The following CELF2 variants were observed in gnomAD, a reference collection of about 807,000 sequenced individuals.
The protein encoded by CELF2 is CUG triplet repeat RNA-binding protein 2.
A neutral mutation model predicts 62.6 loss-of-function variants in CELF2; 8 were observed. The observed-to-expected ratio is 0.13, with a 90% CI of 0.07 to 0.23. The LOEUF is 0.23. CELF2 is among the 10% of genes least tolerant of loss of function. The probability of loss-of-function intolerance (pLI) is 1.00; values close to 1 mark genes in which losing one functional copy is unlikely to be tolerated. For synonymous variants in CELF2, 258 were observed against 250.0 expected, an observed-to-expected ratio of 1.03 and a Z score of -0.30; for missense variants, 333 against 671.0, an observed-to-expected ratio of 0.50 and a Z score of 5.56.
rs1565877278 is a variant in CELF2, at chr10:11,302,888, CCT to C, written c.977-11246_977-11245del. On this transcript the variant is annotated intron_variant, in intron 9 of 12. Coordinates refer to ENST00000633077, the MANE Select transcript of CELF2 (RefSeq NM_001326342.2). This position sits in a 1 kb window ranked among gnomAD's most constrained non-coding sequence, Gnocchi z 5.0. ...CATTAGAATCCTGCCTTCCCGGAGTCCTCTCTTTCTCTGCCAGGAGATGAAGC... is the reference window on the plus strand; with the variant it reads ...CATTAGAATCCTGCCTTCCCGGAGTCCTCTTTCTCTGCCAGGAGATGAAGC... Among the ~76,000 whole-genome samples the C allele has an allele frequency of 6.6e-6, 1 of 152,174 alleles. No individual in the cohort carries two copies. Among genetic ancestry groups the C allele is most frequent in the Non-Finnish European group, 1.5e-5 (1 of 68,024 alleles).
intron 2 of CELF2, among the ~76,000 whole-genome samples, chr10:11,181,750 C>T (rs1247157315): frequency 6.6e-6 from 1 of 152,202 alleles, no homozygotes; most frequent in Non-Finnish European, 1.5e-5. Context: ...TGTTTTAGTC[C>T]ATTGGTATAC....
intron 2 of CELF2, among the ~76,000 whole-genome samples, chr10:10,998,188 A>G (rs2054164197): frequency 6.6e-6 from 1 of 152,196 alleles, no homozygotes; most frequent in South Asian, 2.1e-4. Context: ...TGTCTTCATT[A>G]GCAGCGTGAG....
intron 1 of CELF2, among the ~76,000 whole-genome samples, chr10:10,848,608 C>T (rs1241576706): frequency 2.0e-5 from 3 of 152,158 alleles, no homozygotes; most frequent in Non-Finnish European, 4.4e-5. Flanking sequence ...GGAAGGCTCT[C>T]ATGGTTTTGT....
intron 1 of CELF2, among the ~76,000 whole-genome samples, chr10:11,035,478 G>A (rs1403534126): frequency 2.0e-5 from 3 of 152,182 alleles, no homozygotes; most frequent in Non-Finnish European, 4.4e-5. Flanking sequence ...AGATGACTCA[G>A]CCAAAGCGTG....
chr10:10,956,944 A>G (rs555471122), intron 2 of CELF2, among the ~76,000 whole-genome samples: 1 of 152,114 alleles, frequency 6.6e-6, no homozygotes, highest in African/African-American at 2.4e-5. Context: ...TTAAAAAAAA[A>G]AAAAGAAAAA....
intron 9 of CELF2, among the ~76,000 whole-genome samples, chr10:11,292,487 T>C (rs1318802488): frequency 6.6e-6 from 1 of 152,266 alleles, no homozygotes; most frequent in Non-Finnish European, 1.5e-5. Flanking sequence ...AGAGGAGAAC[T>C]TGCATTAGGC....
chr10:10,997,536 C>G lies in CELF2; in HGVS notation c.89+77537C>G, dbSNP rs1446245538. Reference sequence around the variant, plus strand: ...TCAAAACCACTAGGAAAGGAAGATCCCCAAGTGCACCAAAGGTCATATTCA... The same window carrying G: ...TCAAAACCACTAGGAAAGGAAGATCGCCAAGTGCACCAAAGGTCATATTCA... On this transcript the variant is annotated intron_variant, in intron 2 of 13. Coordinates refer to the CELF2 transcript ENST00000636488. This position sits in a 1 kb window ranked among gnomAD's most constrained non-coding sequence, Gnocchi z 5.3. Among the ~76,000 whole-genome samples the G allele has an allele frequency of 6.6e-6, 1 of 152,142 alleles. No individual in the cohort carries two copies. The highest frequency in any genetic ancestry group is 6.5e-5 in the Admixed American group (1 of 15,270).
chr10:11,062,046 A>T (rs946125333), intron 1 of CELF2, among the ~76,000 whole-genome samples: 1 of 152,230 alleles, frequency 6.6e-6, no homozygotes, highest in African/African-American at 2.4e-5. Context: ...TCCTGACCTC[A>T]GGTGATCTGC....
Position 11,321,846 on chromosome 10 carries a change from T to C in CELF2, c.1294+460T>C, listed in dbSNP as rs1166038602. 1.3e-5 allele frequency among the ~76,000 whole-genome samples: 2 copies of C among 152,234 alleles called. No individual in the cohort carries two copies. The highest frequency in any genetic ancestry group is 2.9e-5 in the Non-Finnish European group (2 of 68,038). ...CTGGCTTTGTTGATAAATAAATGGTTTTAATTATTTCCCCCAGCTACATCT... is the reference window on the plus strand; with the variant it reads ...CTGGCTTTGTTGATAAATAAATGGTCTTAATTATTTCCCCCAGCTACATCT... On this transcript the variant is annotated intron_variant, in intron 11 of 12. Transcript: ENST00000633077. The surrounding 1 kb of genome is among the most constrained non-coding windows in gnomAD (Gnocchi z 6.2).
the CELF2 span, among the ~76,000 whole-genome samples, chr10:10,635,591 A>G: frequency 6.6e-6 from 1 of 152,192 alleles, no homozygotes; most frequent in Non-Finnish European, 1.5e-5. Context: ...TTTAAAAAAT[A>G]TGTGTAGAAA....
intron 4 of CELF2, among the ~76,000 whole-genome samples, chr10:11,251,965 C>G (rs1042123515): frequency 6.6e-6 from 1 of 152,218 alleles, no homozygotes; most frequent in Non-Finnish European, 1.5e-5. Context: ...ACCCCCAAGT[C>G]TTCTAGTTGG....
chr10:11,004,001 G>A (rs538877771), upstream of CELF2, among the ~76,000 whole-genome samples: 53 of 152,262 alleles, frequency 3.5e-4, no homozygotes, highest in Non-Finnish European at 7.2e-4. This position sits in a 1 kb window ranked among gnomAD's most constrained non-coding sequence, Gnocchi z 5.0. Flanking sequence ...CATCATGCAA[G>A]ATTTCTGTGC....
intron 2 of CELF2, among the ~76,000 whole-genome samples, chr10:11,197,074 A>AGAAAGAAAGAAAG (rs1565234637): frequency 2.8e-5 from 4 of 141,496 alleles, no homozygotes; most frequent in African/African-American, 1.1e-4. Flanking sequence ...AAGAAAGGAA[A>AGAAAGAAAGAAAG]GAAAGAAAGA....
At chr10:11,215,197 G>A (rs965426664) in intron 2 of CELF2, among the ~76,000 whole-genome samples, 44 of 152,174 alleles carry the variant, frequency 2.9e-4, no homozygotes, top group Non-Finnish European at 1.3e-4. Flanking sequence ...CTCAGGCAGC[G>A]AGCCATGGCA....
chr10:11,060,159 C>T (rs1167480629), intron 1 of CELF2, among the ~76,000 whole-genome samples: 1 of 152,154 alleles, frequency 6.6e-6, no homozygotes, highest in Non-Finnish European at 1.5e-5. Context: ...ACTGAACAGC[C>T]CCATGATCTC....
At chr10:11,195,456 C>T (rs1387344279) in intron 2 of CELF2, among the ~76,000 whole-genome samples, 3 of 152,194 alleles carry the variant, frequency 2.0e-5, no homozygotes, top group Non-Finnish European at 2.9e-5. Flanking sequence ...TTGCTAGTTC[C>T]TAATCGTAGA....
At chr10:10,764,712 C>CATTT in the CELF2 span, among the ~76,000 whole-genome samples, 1 of 152,134 alleles carries the variant, frequency 6.6e-6, no homozygotes, top group Admixed American at 6.5e-5. Context: ...ATCATCATGC[C>CATTT]AATACTTTAC....
At chr10:10,735,725 T>C in the CELF2 span, among the ~76,000 whole-genome samples, 1 of 152,248 alleles carries the variant, frequency 6.6e-6, no homozygotes, top group Non-Finnish European at 1.5e-5. Flanking sequence ...TTTGTCCTTG[T>C]TTGCATGGCT....
At chr10:10,664,938 C>G in the CELF2 span, among the ~76,000 whole-genome samples, 4 of 152,128 alleles carry the variant, frequency 2.6e-5, no homozygotes, top group African/African-American at 9.7e-5. Flanking sequence ...CAAATATAAC[C>G]AAGAAAAATA....
Sources: allele counts gnomAD v4.1 joint callset (sites outside exome capture counted in the v4.1 genomes callset), GRCh38; gene constraint gnomAD v4.1.1; non-coding constraint Gnocchi (gnomAD v3.1); transcripts MANE v1.5; gene names NCBI Gene and HGNC (gene_info 2026-07-23, HGNC 2026-07-21).